The following CR1L variants were observed in gnomAD, a reference collection of about 807,000 sequenced individuals.
The protein encoded by CR1L is complement C3b/C4b receptor 1 like, also known as complement component receptor 1-like protein.
CR1L carries 59 observed loss-of-function variants against 62.3 expected under a neutral mutation model. The observed-to-expected ratio is 0.95, with a 90% CI of 0.77 to 1.18. The LOEUF is 1.18. Ranked by LOEUF, CR1L falls within the 50% of genes most tolerant of loss-of-function variation. The pLI, the probability that CR1L is intolerant of heterozygous loss-of-function variation, is 0.00. For synonymous variants in CR1L, 279 were observed against 248.7 expected (o/e 1.12, Z -1.15); for missense variants, 700 against 702.8 (o/e 1.00, Z 0.04).
chr1:207,710,151 A>G (rs1027345754), intron 10 of CR1L, among the ~76,000 whole-genome samples: 5 of 152,116 alleles, frequency 3.3e-5, no homozygotes, highest in African/African-American at 1.2e-4. Flanking sequence ...CAAGACCAGC[A>G]TGGCCAACAT....
intron 3 of CR1L, among the ~76,000 whole-genome samples, chr1:207,681,501 T>G (rs911963416): frequency 1.3e-5 from 2 of 152,236 alleles, no homozygotes; most frequent in African/African-American, 4.8e-5. Context: ...CCATTATTTG[T>G]TCAAGTACTT....
At chr1:207,708,630 C>A (rs1246490948) in intron 10 of CR1L, among the ~76,000 whole-genome samples, 2 of 152,214 alleles carry the variant, frequency 1.3e-5, no homozygotes, top group Non-Finnish European at 2.9e-5. Context: ...AGTATCACAT[C>A]AGATATTCAA....
At chr1:207,693,014 A>G (rs555166436) in intron 4 of CR1L, among the ~76,000 whole-genome samples, 2 of 151,942 alleles carry the variant, frequency 1.3e-5, no homozygotes, top group South Asian at 4.2e-4. Flanking sequence ...TTCTTTAAAC[A>G]TTTTTCTAAT....
chr1:207,713,080 G>A (rs1445523145), intron 10 of CR1L, among the ~76,000 whole-genome samples: 1 of 152,172 alleles, frequency 6.6e-6, no homozygotes, highest in African/African-American at 2.4e-5. Context: ...TTTGAAATAA[G>A]GGTAGGGACT....
At chr1:207,656,279 A>G (rs1351546229) in intron 1 of CR1L, among the ~76,000 whole-genome samples, 1 of 152,180 alleles carries the variant, frequency 6.6e-6, no homozygotes, top group Non-Finnish European at 1.5e-5. Context: ...CTATACACTT[A>G]TAAGGATGAG....
At chr1:207,702,734 C>A (rs1416982172) in intron 9 of CR1L, among the ~76,000 whole-genome samples, 1 of 152,174 alleles carries the variant, frequency 6.6e-6, no homozygotes, top group African/African-American at 2.4e-5. Flanking sequence ...CTGAGCAAGG[C>A]CCTAACTCTC....
intron 9 of CR1L, chr1:207,701,827 A>G (rs1664197167): frequency 1.3e-6 from 1 of 781,534 alleles, no homozygotes; most frequent in African/African-American, 1.7e-5. Context: ...GTGCACACAT[A>G]AAGAGTATGC....
intron 1 of CR1L, among the ~76,000 whole-genome samples, chr1:207,673,178 C>T (rs557080982): frequency 1.3e-5 from 2 of 152,220 alleles, no homozygotes; most frequent in East Asian, 3.9e-4. Flanking sequence ...CTATTGTGAC[C>T]AGAGGAACTC....
rs1418378079 is a variant in CR1L at position 207,702,641 on chromosome 1, G to C, written c.1328+1023G>C. Reference sequence around the variant, plus strand: ...ACATGAATGATAAGAAGGTGAAACAGCCTTATTGCTGATATGGAAGAAGTT... The same window carrying C: ...ACATGAATGATAAGAAGGTGAAACACCCTTATTGCTGATATGGAAGAAGTT... On this transcript the variant is annotated intron_variant, in intron 9 of 11. Coordinates refer to ENST00000508064, the MANE Select transcript of CR1L (RefSeq NM_175710.2). Among the ~76,000 whole-genome samples the C allele has an allele frequency of 3.9e-5, 6 of 152,222 alleles. No individual in the cohort carries two copies. The East Asian group carries it at 1.2e-3, about 29-fold the overall frequency.
rs367598790 is a variant in CR1L, at chr1:207,655,836, T to G, written c.97+10506T>G. The stretch of plus-strand genomic sequence containing the variant: ...CAAAACAAAATAAAATTAGTGAGAA[T>G]AGTGGCATTGTTCACATTTTTTGCA... On this transcript the variant is annotated intron_variant, in intron 1 of 11. Coordinates refer to ENST00000508064, the MANE Select transcript of CR1L (RefSeq NM_175710.2). 3.5e-4 allele frequency among the ~76,000 whole-genome samples: 53 copies of G among 152,348 alleles called. 2 individuals carry two copies. The highest frequency in any genetic ancestry group is 1.2e-3 in the African/African-American group (50 of 41,578).
At chr1:207,710,522 G>A (rs1293096923) in intron 10 of CR1L, 12 of 1,608,828 alleles carry the variant, frequency 7.5e-6, no homozygotes, top group Non-Finnish European at 1.0e-5. Context: ...GCTCGTGGGT[G>A]AGCCCTCCAT....
intron 10 of CR1L, among the ~76,000 whole-genome samples, chr1:207,710,198 A>C (rs1291426963): frequency 6.6e-6 from 1 of 151,898 alleles, no homozygotes; most frequent in African/African-American, 2.4e-5. Context: ...ACAAAAATAA[A>C]CCAGATACGG....
intron 1 of CR1L, among the ~76,000 whole-genome samples, chr1:207,656,884 C>T (rs1232896027): frequency 6.6e-6 from 1 of 152,134 alleles, no homozygotes; most frequent in African/African-American, 2.4e-5. Flanking sequence ...CAGATCCAAA[C>T]CATATCAATA....
intron 10 of CR1L, among the ~76,000 whole-genome samples, chr1:207,710,082 C>T (rs1320405872): frequency 2.0e-5 from 3 of 152,088 alleles, no homozygotes; most frequent in Non-Finnish European, 4.4e-5. Flanking sequence ...CGATGGCTCA[C>T]GCCTGTAATC....
chr1:207,710,943 G>GCA (rs1664347609), intron 10 of CR1L: 2 of 754,680 alleles, frequency 2.7e-6, no homozygotes, highest in Non-Finnish European at 4.3e-6. Flanking sequence ...GGGTGTGCAA[G>GCA]CACTCATGCA....
intron 1 of CR1L, among the ~76,000 whole-genome samples, chr1:207,665,250 T>A (rs1663499122): frequency 6.6e-6 from 1 of 151,258 alleles, no homozygotes; most frequent in Non-Finnish European, 1.5e-5. Flanking sequence ...GAGACAGAGT[T>A]TCACCATGTT....
intron 11 of CR1L, among the ~76,000 whole-genome samples, chr1:207,718,827 T>A (rs578209512): frequency 6.3e-4 from 95 of 151,502 alleles, no homozygotes; most frequent in Non-Finnish European, 1.3e-3. Flanking sequence ...ATTGCGGCAT[T>A]ATTCACAATA....
At chr1:207,652,504 A>G (rs1423826499) in intron 1 of CR1L, 5 of 1,070,026 alleles carry the variant, frequency 4.7e-6, no homozygotes, top group East Asian at 2.4e-5. Context: ...GATGAAAGTG[A>G]TATCAGTACT....
chr1:207,650,394 T>C (rs1571640591), intron 1 of CR1L, among the ~76,000 whole-genome samples: 1 of 152,126 alleles, frequency 6.6e-6, no homozygotes, highest in East Asian at 1.9e-4. Flanking sequence ...GGCAGAGTGA[T>C]CAGTAGCTCT....
Sources: gnomAD v4.1 joint callset for allele counts (sites outside exome capture counted in the v4.1 genomes callset) on GRCh38, gnomAD v4.1.1 for gene constraint, MANE v1.5 for transcripts, NCBI Gene and HGNC (gene_info 2026-07-23, HGNC 2026-07-21) for gene names.